The following COBLL1 variants were observed in gnomAD, a reference collection of about 807,000 sequenced individuals.
The protein encoded by COBLL1 is cordon-bleu WH2 repeat protein like 1, also known as cordon-bleu protein-like 1.
COBLL1 carries 50 observed loss-of-function variants against 94.8 expected under a neutral mutation model. The ratio of observed to expected loss-of-function variants is 0.53; its 90% CI spans 0.42 to 0.67. The LOEUF (loss-of-function observed/expected upper bound fraction) is 0.67, where lower values mean the gene tolerates loss of function less well. COBLL1 is among the 30% of genes least tolerant of loss of function. The pLI is 0.00. For synonymous variants in COBLL1, 448 were observed against 473.8 expected (o/e 0.95, Z 0.71); for missense variants, 1,362 against 1,348.7 (o/e 1.01, Z -0.15).
intron 2 of COBLL1, among the ~76,000 whole-genome samples, chr2:164,766,198 T>C (rs1403104521): frequency 6.6e-6 from 1 of 152,214 alleles, no homozygotes; most frequent in Non-Finnish European, 1.5e-5. Flanking sequence ...CCAATTAATG[T>C]ATGTTTGAGT....
chr2:164,824,878 T>A (rs1685352831), intron 2 of COBLL1, among the ~76,000 whole-genome samples: 1 of 152,242 alleles, frequency 6.6e-6, no homozygotes, highest in Non-Finnish European at 1.5e-5. Context: ...CTATTTCTTA[T>A]CTTACTGGCT....
intron 7 of COBLL1, among the ~76,000 whole-genome samples, chr2:164,710,856 C>G (rs1463419942): frequency 2.6e-5 from 4 of 151,948 alleles, no homozygotes; most frequent in Non-Finnish European, 4.4e-5. Context: ...AGCCACTGTG[C>G]CCGGCCAGCA....
chr2:164,826,949 T>TTTTG (rs1213618519), intron 2 of COBLL1, among the ~76,000 whole-genome samples: 7 of 152,032 alleles, frequency 4.6e-5, no homozygotes, highest in East Asian at 1.9e-4. Context: ...GTTTTTTGTT[T>TTTTG]TTTGTTTGTT....
At chr2:164,725,101 G>A (rs1307934801) in intron 5 of COBLL1, 1 of 76,298 alleles carries the variant, frequency 1.3e-5, no homozygotes, top group Non-Finnish European at 2.6e-5. Flanking sequence ...TACCCTGCAG[G>A]ATATATATAT....
At chr2:164,808,817 T>C (rs970305075) in intron 2 of COBLL1, among the ~76,000 whole-genome samples, 1 of 152,178 alleles carries the variant, frequency 6.6e-6, no homozygotes, top group African/African-American at 2.4e-5. Flanking sequence ...CTTTCATATA[T>C]TACTGCATTT....
At chr2:164,728,247 C>T (rs1685817470) in intron 4 of COBLL1, 50 bp from the exon 5 acceptor site, 1 of 1,140,164 alleles carries the variant, frequency 8.8e-7, no homozygotes, top group Admixed American at 1.7e-5. Context: ...CTGAAACAAA[C>T]ACTCTACAAT....
intron 4 of COBLL1, among the ~76,000 whole-genome samples, chr2:164,729,177 C>A (rs3884521): frequency 0.19 from 28,213 of 151,314 alleles, 3,239 homozygotes; most frequent in African/African-American, 0.32. Flanking sequence ...CAAAAACTCA[C>A]CTTCTTTGAA....
chr2:164,737,026 G>A (rs531052587), intron 3 of COBLL1, among the ~76,000 whole-genome samples: 21 of 152,148 alleles, frequency 1.4e-4, no homozygotes, highest in Admixed American at 6.5e-4. Context: ...TGCTGAGCAC[G>A]GTGGCTCACA....
Position 164,694,650 on chromosome 2 carries a change from C to A in COBLL1, c.2742G>T (p.Gln914His). 6.2e-7 allele frequency: 1 copy of A among 1,613,782 alleles called. No homozygotes were observed. The highest frequency in any genetic ancestry group is 8.5e-7 in the Non-Finnish European group (1 of 1,179,930). ...AERDMLPSPEQTLSPLSKMPH... is the reference protein window; with the variant it reads ...AERDMLPSPEHTLSPLSKMPH... ...GCATTTTACTTAAGGGAGAAAGAGT[C>A]TGCTCCGGAGAAGGCAGCATATCCC... The change falls in exon 12 of 14, where the codon CAG (glutamine) becomes CAT (histidine). Residue 914 changes from glutamine to histidine, a missense_variant. Physicochemically the swap from Gln to His is conservative, Grantham distance 24 (BLOSUM62 0). Coordinates refer to ENST00000652658, the MANE Select transcript of COBLL1 (RefSeq NM_001365672.2).
intron 2 of COBLL1, among the ~76,000 whole-genome samples, chr2:164,762,696 CTT>C (rs71028440): frequency 8.3e-5 from 11 of 132,714 alleles, no homozygotes; most frequent in Non-Finnish European, 6.4e-5. Context: ...GCCTATCATC[CTT>C]TTTTTTTTTT....
At chr2:164,794,624 T>A (rs1683348378) in intron 2 of COBLL1, among the ~76,000 whole-genome samples, 1 of 152,236 alleles carries the variant, frequency 6.6e-6, no homozygotes, top group East Asian at 1.9e-4. Flanking sequence ...ATTCCACTTG[T>A]TCAGTCAAGT....
At chr2:164,827,107 T>A (rs983869619) in intron 2 of COBLL1, among the ~76,000 whole-genome samples, 1 of 152,026 alleles carries the variant, frequency 6.6e-6, no homozygotes, top group African/African-American at 2.4e-5. Context: ...TGCACTACCA[T>A]GCCTGGTTAT....
intron 12 of COBLL1, among the ~76,000 whole-genome samples, chr2:164,692,887 A>G (rs1683690272): frequency 6.6e-6 from 1 of 152,198 alleles, no homozygotes; most frequent in Admixed American, 6.6e-5. Context: ...ACTAATTACT[A>G]TGCTACACTT....
intron 2 of COBLL1, among the ~76,000 whole-genome samples, chr2:164,755,966 TC>T (rs1474362644): frequency 6.6e-6 from 1 of 152,114 alleles, no homozygotes; most frequent in Non-Finnish European, 1.5e-5. Flanking sequence ...CAGCTTTTGT[TC>T]ACCTTACTCT....
chr2:164,818,609 A>G (rs1314737645), intron 2 of COBLL1, among the ~76,000 whole-genome samples: 1 of 144,738 alleles, frequency 6.9e-6, no homozygotes, highest in East Asian at 2.0e-4. Flanking sequence ...GCATATGTGT[A>G]CATATGTACA....
intron 5 of COBLL1, 36 bp downstream of exon 5, chr2:164,727,933 A>G: frequency 2.2e-6 from 3 of 1,367,216 alleles, no homozygotes; most frequent in Non-Finnish European, 3.1e-6. Flanking sequence ...AAATATACAC[A>G]TCCCACTAAA....
At chr2:164,753,367 T>C (rs1038646741) in intron 2 of COBLL1, among the ~76,000 whole-genome samples, 4 of 152,058 alleles carry the variant, frequency 2.6e-5, no homozygotes, top group Non-Finnish European at 5.9e-5. Context: ...CACCTCCACT[T>C]AAGTCTGACC....
At chr2:164,818,343 TAC>T (rs1684944335) in intron 2 of COBLL1, among the ~76,000 whole-genome samples, 1 of 150,372 alleles carries the variant, frequency 6.7e-6, no homozygotes, top group South Asian at 2.1e-4. Context: ...TATGTATATA[TAC>T]ATATGTGCAT....
At chr2:164,727,231 A>G in intron 5 of COBLL1, 1 of 683,780 alleles carries the variant, frequency 1.5e-6, no homozygotes, top group Non-Finnish European at 2.4e-6. Context: ...TTGAAAAAGT[A>G]GTCTATGGAT....
Sources: gnomAD v4.1 joint callset for allele counts (sites outside exome capture counted in the v4.1 genomes callset) on GRCh38, gnomAD v4.1.1 for gene constraint, MANE v1.5 for transcripts, NCBI Gene and HGNC (gene_info 2026-07-23, HGNC 2026-07-21) for gene names.